FMO1: variants seen among roughly 807,000 people sequenced by gnomAD.
The protein encoded by FMO1 is flavin containing dimethylaniline monoxygenase 1, also known as flavin-containing monooxygenase 1.
In FMO1, 36 loss-of-function variants were observed where a neutral mutation model predicts 45.4. The observed-to-expected ratio is 0.79, with a 90% CI of 0.61 to 1.05. FMO1 has a LOEUF of 1.05. Among genes scored for constraint, FMO1 ranks in the 50% least tolerant of loss-of-function variants. The pLI is 0.00. For missense variants in FMO1, 615 were observed against 640.3 expected, an observed-to-expected ratio of 0.96 and a Z score of 0.43; for synonymous variants, 228 against 227.2, an observed-to-expected ratio of 1.00 and a Z score of -0.03.
At chr1:171,256,272 C>CA (rs34529047) in intron 1 of FMO1, among the ~76,000 whole-genome samples, 1,273 of 78,078 alleles carry the variant, frequency 0.016, 13 homozygotes, top group Non-Finnish European at 0.023. Context: ...GACTCCATCT[C>CA]AAAAAAAAAA....
At chr1:171,280,161 G>A (rs1332922166) in intron 5 of FMO1, among the ~76,000 whole-genome samples, 1 of 152,186 alleles carries the variant, frequency 6.6e-6, no homozygotes, top group South Asian at 2.1e-4. Context: ...TGGCTCCCCA[G>A]TTTGGTGGGG....
At chr1:171,276,690 A>G (rs750533542) in intron 4 of FMO1, among the ~76,000 whole-genome samples, 2 of 152,214 alleles carry the variant, frequency 1.3e-5, no homozygotes, top group Admixed American at 6.5e-5. Context: ...AGGAATGAAT[A>G]GAGTTTTATG....
chr1:171,271,212 CA>C, intron 3 of FMO1: 1 of 896,334 alleles, frequency 1.1e-6, no homozygotes, highest in Non-Finnish European at 1.9e-6. Context: ...CCAGTTTCTT[CA>C]CGACATCACT....
chr1:171,271,550 C>A (rs1482978015), intron 3 of FMO1: 2 of 823,590 alleles, frequency 2.4e-6, no homozygotes, highest in Non-Finnish European at 4.2e-6. Context: ...CATATGATGA[C>A]ATTTTGCCTC....
chr1:171,281,882 G>A (rs907579641), intron 6 of FMO1, 96 bp from the exon 7 acceptor site: 1 of 674,342 alleles, frequency 1.5e-6, no homozygotes. Context: ...TCCAACCAAG[G>A]AGAGAGCCCC....
intron 8 of FMO1, among the ~76,000 whole-genome samples, chr1:171,284,326 GTC>G (rs1661528021): frequency 6.6e-6 from 1 of 152,040 alleles, no homozygotes. Flanking sequence ...CATTTTAGAT[GTC>G]TCTTCTTTAT....
At chr1:171,253,289 C>G (rs2102063612) in intron 1 of FMO1, among the ~76,000 whole-genome samples, 1 of 152,232 alleles carries the variant, frequency 6.6e-6, no homozygotes, top group South Asian at 2.1e-4. Flanking sequence ...TATACTGTGA[C>G]TTTGTCTTCA....
chr1:171,262,045 TA>T (rs1412985362), intron 2 of FMO1, among the ~76,000 whole-genome samples: 2 of 152,216 alleles, frequency 1.3e-5, no homozygotes, highest in Admixed American at 6.5e-5. Flanking sequence ...CTATCGCCAT[TA>T]AAAAGTGATA....
chr1:171,259,260 T>G (rs1438454551), intron 2 of FMO1, among the ~76,000 whole-genome samples: 2 of 152,248 alleles, frequency 1.3e-5, no homozygotes, highest in African/African-American at 4.8e-5. Context: ...CCAAGGTTAC[T>G]AGTTTAGTCA....
At chr1:171,278,637 CTGTCAAAAGAA>C in intron 4 of FMO1, 81 bp from the exon 5 acceptor site, 1 of 976,970 alleles carries the variant, frequency 1.0e-6, no homozygotes. Context: ...CCAAAATCAT[CTGTCAAAAGAA>C]TGTTATCAAC....
chr1:171,262,410 C>T (rs1660414136), intron 2 of FMO1, among the ~76,000 whole-genome samples: 1 of 152,204 alleles, frequency 6.6e-6, no homozygotes, highest in Admixed American at 6.5e-5. Flanking sequence ...CTTCATCCTT[C>T]ACCTCCCTGT....
intron 3 of FMO1, among the ~76,000 whole-genome samples, chr1:171,272,406 T>C (rs1409498290): frequency 6.6e-6 from 1 of 152,210 alleles, no homozygotes; most frequent in East Asian, 1.9e-4. Flanking sequence ...GAGTCTCTAC[T>C]GGGGCTCTGC....
intron 6 of FMO1, 78 bp from the exon 7 acceptor site, chr1:171,281,900 G>C (rs544996046): frequency 9.1e-6 from 7 of 772,600 alleles, no homozygotes; most frequent in Non-Finnish European, 1.4e-5. Context: ...CCCAGAATGA[G>C]AGAGGGAGGT....
rs1661606662 is a variant in FMO1 at position 171,285,840 on chromosome 1, T to C, written c.*296T>C. 1 of 243,124 alleles carries C rather than the reference T, an allele frequency of 4.1e-6. No individual in the cohort carries two copies. The highest frequency in any genetic ancestry group is 1.7e-4 in the South Asian group (1 of 5,828). 15.1% of individuals were successfully genotyped at this position (243,124 alleles called of 1,614,324 possible). On this transcript the variant is annotated 3_prime_UTR_variant, in exon 9 of 9. Transcript: ENST00000617670. ...CAGCACTCTGAGCCATCATACCTCT[T>C]TCCCATATAAACTATTTTCACAGAT...
At chr1:171,277,763 G>A (rs570128579) in intron 4 of FMO1, among the ~76,000 whole-genome samples, 1 of 152,284 alleles carries the variant, frequency 6.6e-6, no homozygotes, top group South Asian at 2.1e-4. Flanking sequence ...AATTCCAAAT[G>A]CTCTGTGTTG....
intron 3 of FMO1, among the ~76,000 whole-genome samples, chr1:171,274,495 A>G (rs1413434277): frequency 6.6e-6 from 1 of 152,046 alleles, no homozygotes; most frequent in Non-Finnish European, 1.5e-5. Context: ...TATTATTTTT[A>G]TGATTAAAAA....
At chr1:171,254,507 A>G (rs1202221504) in intron 1 of FMO1, among the ~76,000 whole-genome samples, 1 of 152,226 alleles carries the variant, frequency 6.6e-6, no homozygotes, top group Non-Finnish European at 1.5e-5. Flanking sequence ...GTGTGTTGTT[A>G]GGAGCTACAA....
At chr1:171,257,898 A>C (rs1303285984) in intron 1 of FMO1, 184 bp from the exon 2 acceptor site, 1 of 619,052 alleles carries the variant, frequency 1.6e-6, no homozygotes, top group African/African-American at 1.9e-5. Context: ...GAACATACCA[A>C]GCACAGGGTT....
intron 3 of FMO1, among the ~76,000 whole-genome samples, chr1:171,273,756 A>G (rs1660975730): frequency 6.6e-6 from 1 of 152,162 alleles, no homozygotes. Flanking sequence ...AGCTCAAGCT[A>G]TCCTCCTGCC....
Sources: gnomAD v4.1 joint callset for allele counts (sites outside exome capture counted in the v4.1 genomes callset) on GRCh38, gnomAD v4.1.1 for gene constraint, MANE v1.5 for transcripts, NCBI Gene and HGNC (gene_info 2026-07-23, HGNC 2026-07-21) for gene names.